The following RPGRIP1 variants were observed in gnomAD, a reference collection of about 807,000 sequenced individuals.
RPGRIP1 encodes RPGR interacting protein 1.
A neutral mutation model predicts 157.9 loss-of-function variants in RPGRIP1; 128 were observed. That is an observed-to-expected ratio of 0.81 (90% CI 0.70 to 0.94). The LOEUF (loss-of-function observed/expected upper bound fraction) is 0.94, where lower values mean the gene tolerates loss of function less well. RPGRIP1 is among the 40% of genes least tolerant of loss of function. RPGRIP1 has a pLI of 0.00. For synonymous variants in RPGRIP1, 554 were observed against 571.6 expected (o/e 0.97, Z 0.44); for missense variants, 1,486 against 1,545.8 (o/e 0.96, Z 0.65).
At chr14:21,305,973 T>C (rs79510993) in intron 6 of RPGRIP1, among the ~76,000 whole-genome samples, 10,134 of 152,038 alleles carry the variant, frequency 0.067, 554 homozygotes, top group East Asian at 0.26. Flanking sequence ...AATTTTAAGA[T>C]CTCTCCAGGT....
intron 13 of RPGRIP1, 139 bp downstream of exon 13, chr14:21,321,541 G>T (rs1470135877): frequency 2.0e-5 from 29 of 1,435,906 alleles, no homozygotes; most frequent in Middle Eastern, 2.5e-4. Context: ...CACAATGGCT[G>T]TCCTTTGAAG....
intron 8 of RPGRIP1, chr14:21,311,036 A>G (rs572643317): frequency 2.3e-4 from 105 of 457,432 alleles, no homozygotes; most frequent in African/African-American, 1.8e-3. Context: ...GTCTGTGCTT[A>G]AGAATCACCA....
In RPGRIP1 at chr14:21,325,465, A is replaced by G. The variant is rs973223847; in HGVS notation, c.2367+82A>G. ...AGCACAGTTCAGTCTTCCACTCTCA[A>G]TAAGTGTTTGTTGAATGTGAATGAA... On this transcript the variant is annotated intron_variant, in intron 16 of 24. Transcript: ENST00000400017. 1.2e-4 allele frequency: 162 copies of G among 1,300,476 alleles called. No homozygotes were observed. Among genetic ancestry groups the G allele is most frequent in the Non-Finnish European group, 1.5e-4 (146 of 943,096 alleles). 80.6% of individuals were successfully genotyped at this position (1,300,476 alleles called of 1,614,324 possible). A position where few individuals can be genotyped will look rare whatever the true frequency, so the allele number is the denominator to read the frequency against.
chr14:21,327,000 G>A (rs1249800864), intron 17 of RPGRIP1, among the ~76,000 whole-genome samples: 2 of 152,022 alleles, frequency 1.3e-5, no homozygotes, highest in African/African-American at 4.8e-5. Flanking sequence ...TGAGGTGGGG[G>A]TATCCATGTT....
chr14:21,312,416 G>T lies in RPGRIP1; in HGVS notation c.1078-17G>T, dbSNP rs768628497. On this transcript the variant is annotated splice_polypyrimidine_tract_variant and intron_variant, in intron 9 of 24. Transcript: ENST00000400017. ...TAGATTTTAACATTTTATCTCAAGG[G>T]CTACTATCACTCTTAGTTTCAGGAG... is the stretch of plus-strand genomic sequence containing the variant. 8.3e-6 allele frequency: 13 copies of T among 1,572,506 alleles called. No individual in the cohort carries two copies. The South Asian group carries it at 1.2e-4, about 15-fold the overall frequency.
chr14:21,333,518 A>G (rs959033520), intron 20 of RPGRIP1, among the ~76,000 whole-genome samples: 1 of 152,198 alleles, frequency 6.6e-6, no homozygotes, highest in African/African-American at 2.4e-5. Context: ...TCTTTGGCTC[A>G]CTACTCGGCA....
intron 21 of RPGRIP1, among the ~76,000 whole-genome samples, chr14:21,341,619 A>G (rs1007239468): frequency 6.6e-6 from 1 of 152,098 alleles, no homozygotes; most frequent in African/African-American, 2.4e-5. Flanking sequence ...CTTGCCTGCC[A>G]CACTGTGGAA....
At chr14:21,290,096 A>G (rs1313869652) in intron 2 of RPGRIP1, among the ~76,000 whole-genome samples, 1 of 152,064 alleles carries the variant, frequency 6.6e-6, no homozygotes. Context: ...GCTTCAAGTC[A>G]TCTGTCTGCC....
intron 13 of RPGRIP1, 32 bp from the exon 14 acceptor site, chr14:21,321,822 G>A: frequency 1.2e-6 from 2 of 1,602,690 alleles, no homozygotes; most frequent in East Asian, 2.2e-5. Context: ...AGGCCACTGA[G>A]ATAGAAAAGT....
At chr14:21,346,203 C>A (rs1885552332) in intron 23 of RPGRIP1, among the ~76,000 whole-genome samples, 1 of 152,100 alleles carries the variant, frequency 6.6e-6, no homozygotes, top group Admixed American at 6.5e-5. Flanking sequence ...TTCCAATAAT[C>A]TGAAGAAGGC....
chr14:21,329,071 G>A (rs1227958765), intron 19 of RPGRIP1, among the ~76,000 whole-genome samples: 2 of 150,704 alleles, frequency 1.3e-5, no homozygotes, highest in Non-Finnish European at 2.9e-5. Flanking sequence ...CTGAAGCTGG[G>A]AGGTGGAGGT....
intron 2 of RPGRIP1, among the ~76,000 whole-genome samples, chr14:21,294,233 GTTT>G (rs34091174): frequency 2.1e-5 from 3 of 143,996 alleles, no homozygotes; most frequent in Admixed American, 7.0e-5. Flanking sequence ...TTCTGTTTTT[GTTT>G]TTTTTTTTTT....
chr14:21,299,551 C>G (rs542943778), intron 3 of RPGRIP1, among the ~76,000 whole-genome samples: 3 of 152,244 alleles, frequency 2.0e-5, no homozygotes, highest in African/African-American at 7.2e-5. Context: ...GAAGCCCTTA[C>G]AGTGTAACCC....
chr14:21,299,730 C>T (rs1052875883), intron 3 of RPGRIP1, among the ~76,000 whole-genome samples: 8 of 152,262 alleles, frequency 5.3e-5, no homozygotes, highest in East Asian at 1.9e-4. Flanking sequence ...TCAGAACAGA[C>T]GGGCAGTGTG....
chr14:21,318,768 C>G (rs1399951225), intron 11 of RPGRIP1, among the ~76,000 whole-genome samples: 1 of 152,170 alleles, frequency 6.6e-6, no homozygotes. Flanking sequence ...AGCCACTACA[C>G]CTGGCTGAAA....
intron 3 of RPGRIP1, among the ~76,000 whole-genome samples, chr14:21,296,847 C>G (rs146630300): frequency 6.6e-6 from 1 of 150,736 alleles, no homozygotes; most frequent in Non-Finnish European, 1.5e-5. Context: ...CCCAGCTACT[C>G]GGGAGACTGA....
intron 17 of RPGRIP1, 84 bp from the exon 18 acceptor site, chr14:21,327,539 G>T: frequency 9.3e-7 from 1 of 1,071,638 alleles, no homozygotes; most frequent in Non-Finnish European, 1.4e-6. Flanking sequence ...ATTAAAAATG[G>T]GAAGGAAGTA....
chr14:21,310,676 C>A, intron 8 of RPGRIP1, 69 bp downstream of exon 8: 1 of 845,186 alleles, frequency 1.2e-6, no homozygotes, highest in South Asian at 1.6e-5. Context: ...AATCTATGTT[C>A]ATCTCCAAGT....
At position 21,327,761 on chromosome 14, in the gene RPGRIP1, G is replaced by A. The variant is rs1408393799; in HGVS notation, c.2849G>A (p.Ser950Asn). The change falls in exon 18 of 25, where the codon AGT (serine) becomes AAT (asparagine). Residue 950 changes from serine to asparagine, a missense_variant. Coordinates refer to ENST00000400017, the MANE Select transcript of RPGRIP1 (RefSeq NM_020366.4). ...ACTAAGGGGAAGGATACCAAGGACA[G>A]TTCAAAGATCTCATCTGAAGAGGAA... is the stretch of plus-strand genomic sequence containing the variant. The part of the protein sequence containing the change: ...AQTKGKDTKD[S>N]SKISSEEEKA... The A allele has an allele frequency of 1.1e-5, 17 of 1,611,998 alleles. No homozygotes were observed. Among genetic ancestry groups the A allele is most frequent in the Non-Finnish European group, 1.4e-5 (17 of 1,179,004 alleles).
Sources: allele counts gnomAD v4.1 joint callset (sites outside exome capture counted in the v4.1 genomes callset), GRCh38; gene constraint gnomAD v4.1.1; transcripts MANE v1.5; gene names NCBI Gene and HGNC (gene_info 2026-07-23, HGNC 2026-07-21).